The following CCNK variants were observed in gnomAD, a reference collection of about 807,000 sequenced individuals.
CCNK encodes cyclin K.
Under a neutral mutation model 65.0 loss-of-function variants are expected in CCNK, and 9 were observed. The ratio of observed to expected loss-of-function variants is 0.14; its 90% confidence interval spans 0.08 to 0.24. CCNK has a LOEUF of 0.24. CCNK is among the 10% of genes least tolerant of loss of function. The pLI is 1.00. For missense variants in CCNK, 474 were observed against 720.0 expected, an observed-to-expected ratio of 0.66 and a Z score of 3.91; for synonymous variants, 279 against 270.8, an observed-to-expected ratio of 1.03 and a Z score of -0.30.
intron 1 of CCNK, among the ~76,000 whole-genome samples, chr14:99,491,090 G>A (rs1896588543): frequency 6.6e-6 from 1 of 152,102 alleles, no homozygotes; most frequent in Non-Finnish European, 1.5e-5. Flanking sequence ...GTATGCTATT[G>A]TGTGCATGTG....
rs768254731 is a variant in CCNK at position 99,502,945 on chromosome 14, T to G, written c.972T>G (p.Ser324=). The G allele has an allele frequency of 6.2e-7, 1 of 1,613,702 alleles. No homozygotes were observed. Among genetic ancestry groups the G allele is most frequent in the South Asian group, 1.1e-5 (1 of 91,052 alleles). The change falls in exon 8 of 11, where the codon TCT becomes TCG. Residue 324 remains serine (S), a synonymous_variant. Coordinates refer to ENST00000389879, the MANE Select transcript of CCNK (RefSeq NM_001099402.2). ...QQPAQQPKKP[S]PQPSSPRQVK... ...CAGCCCAACAGCCCAAGAAACCCTC[T>G]CCGCAGCCCAGTTCTCCCCGACAGG... is the stretch of plus-strand genomic sequence containing the variant.
At chr14:99,504,043 C>A in intron 9 of CCNK, 2 of 374,878 alleles carry the variant, frequency 5.3e-6, no homozygotes, top group South Asian at 2.0e-5. Context: ...GCCCGGACAG[C>A]ACCAGCCCGG....
intron 1 of CCNK, among the ~76,000 whole-genome samples, chr14:99,488,277 TA>T (rs537283860): frequency 0.058 from 8,319 of 142,618 alleles, 361 homozygotes; most frequent in African/African-American, 0.13. Context: ...TTCTTTTTTT[TA>T]AAAAAAAAAA....
intron 1 of CCNK, among the ~76,000 whole-genome samples, chr14:99,484,704 T>C (rs1195704898): frequency 1.3e-5 from 2 of 152,236 alleles, no homozygotes; most frequent in South Asian, 2.1e-4. Context: ...ACACCAGTTA[T>C]TGATACCCAG....
rs1238368658 is a variant in CCNK at position 99,503,622 on chromosome 14, C to A, written c.1023C>A (p.Pro341=). The A allele has an allele frequency of 1.9e-6, 3 of 1,560,344 alleles. No homozygotes were observed. The highest frequency in any genetic ancestry group is 4.7e-5 in the East Asian group (2 of 42,834). ...RQVKRAVVVS[P]KEENKAAEPP... is the part of the protein sequence containing the mutation. ...TTCTTTTGTAACAGGTTGTTTCTCC[C>A]AAAGAAGAGAACAAAGCAGCAGGTA... Residue 341 remains proline (P), a synonymous_variant, in exon 9 of 11, where the codon CCC becomes CCA. Coordinates refer to ENST00000389879, the MANE Select transcript of CCNK (RefSeq NM_001099402.2).
chr14:99,496,506 C>A (rs1487511756), intron 4 of CCNK, among the ~76,000 whole-genome samples: 1 of 151,498 alleles, frequency 6.6e-6, no homozygotes, highest in African/African-American at 2.4e-5. Context: ...GTCAGGAGAT[C>A]GAGACCATCC....
At chr14:99,496,283 T>A (rs529240250) in intron 4 of CCNK, among the ~76,000 whole-genome samples, 1 of 152,336 alleles carries the variant, frequency 6.6e-6, no homozygotes, top group South Asian at 2.1e-4. Flanking sequence ...CTGTTAATTA[T>A]CCTTCATAAC....
At chr14:99,502,432 C>G in intron 7 of CCNK, 56 bp downstream of exon 7, 1 of 1,573,382 alleles carries the variant, frequency 6.4e-7, no homozygotes, top group East Asian at 2.3e-5. Flanking sequence ...ATGATTCTTC[C>G]ATGTGTACCC....
Position 99,497,235 on chromosome 14 carries a change from T to G in CCNK, c.411+1606T>G, listed in dbSNP as rs3918075. ...TCATAGCCTTAAAAATTCTCTGTGC[T>G]CCACCTGTTTGTCTCCTTCTCCCCG... On this transcript the variant is annotated intron_variant, in intron 4 of 10. Transcript: ENST00000389879. Among the ~76,000 whole-genome samples, 1,430 of 152,288 alleles carry G rather than the reference T, an allele frequency of 9.4e-3. 20 individuals carry two copies. The highest frequency in any genetic ancestry group is 0.032 in the African/African-American group (1,344 of 41,556).
At chr14:99,500,449 T>G (rs1244096858) in intron 4 of CCNK, 1 of 191,170 alleles carries the variant, frequency 5.2e-6, no homozygotes, top group Non-Finnish European at 1.1e-5. Flanking sequence ...TTTAGTCAAA[T>G]TATCAATAAC....
chr14:99,496,245 G>A (rs1437634912), intron 4 of CCNK, among the ~76,000 whole-genome samples: 1 of 152,140 alleles, frequency 6.6e-6, no homozygotes, highest in Non-Finnish European at 1.5e-5. Context: ...TTCGCATCAA[G>A]TTCCCCTTGT....
chr14:99,498,487 G>A (rs1464851889), intron 4 of CCNK, among the ~76,000 whole-genome samples: 1 of 152,164 alleles, frequency 6.6e-6, no homozygotes, highest in Admixed American at 6.5e-5. Context: ...AGTGGAGGCA[G>A]TATAAGTATT....
intron 1 of CCNK, among the ~76,000 whole-genome samples, chr14:99,485,470 G>T (rs1896461484): frequency 6.6e-6 from 1 of 152,214 alleles, no homozygotes; most frequent in Non-Finnish European, 1.5e-5. Context: ...ATTCTCAGGG[G>T]AAGAAAGAGC....
intron 10 of CCNK, chr14:99,509,360 G>A (rs1309191021): frequency 6.6e-6 from 1 of 152,308 alleles, no homozygotes; most frequent in Non-Finnish European, 1.5e-5. Context: ...GCCAAAACAT[G>A]TTAAATAAGG....
intron 1 of CCNK, among the ~76,000 whole-genome samples, chr14:99,483,118 A>C (rs558412565): frequency 6.6e-6 from 1 of 152,352 alleles, no homozygotes; most frequent in African/African-American, 2.4e-5. Context: ...GTTTTCACAT[A>C]GAACCATTCG....
chr14:99,501,763 T>C, intron 6 of CCNK: 2 of 255,378 alleles, frequency 7.8e-6, no homozygotes, highest in East Asian at 2.0e-4. Context: ...TAACACTCTT[T>C]TGAGAGGCCA....
chr14:99,503,420 G>A, intron 8 of CCNK, 191 bp from the exon 9 acceptor site: 1 of 608,348 alleles, frequency 1.6e-6, no homozygotes, highest in Non-Finnish European at 2.9e-6. Flanking sequence ...TAAATGGAAA[G>A]AGGAAGGGAG....
intron 10 of CCNK, chr14:99,507,545 G>A (rs143131056): frequency 8.9e-5 from 16 of 180,598 alleles, no homozygotes; most frequent in Non-Finnish European, 1.8e-4. Flanking sequence ...CAGCCTGGGT[G>A]AGAGGGAGAC....
chr14:99,490,912 G>A (rs1480139140), intron 1 of CCNK, among the ~76,000 whole-genome samples: 2 of 146,482 alleles, frequency 1.4e-5, no homozygotes, highest in South Asian at 2.1e-4. Context: ...CTGGGCAACA[G>A]AGCAAGACTC....
Sources: allele counts gnomAD v4.1 joint callset (sites outside exome capture counted in the v4.1 genomes callset), GRCh38; gene constraint gnomAD v4.1.1; transcripts MANE v1.5; gene names NCBI Gene and HGNC (gene_info 2026-07-23, HGNC 2026-07-21).